The following STAU2 variants were observed in gnomAD, a reference collection of about 807,000 sequenced individuals.
STAU2 encodes the protein staufen double-stranded RNA binding protein 2.
STAU2 carries 20 observed loss-of-function variants against 65.9 expected under a neutral mutation model. That is an observed-to-expected ratio of 0.30 (90% CI 0.21 to 0.44). The LOEUF is 0.44. STAU2 is among the 20% of genes least tolerant of loss of function. The probability of loss-of-function intolerance (pLI) is 1.00; values close to 1 mark genes in which losing one functional copy is unlikely to be tolerated. For missense variants in STAU2, 558 were observed against 683.9 expected, an observed-to-expected ratio of 0.82 and a Z score of 2.05; for synonymous variants, 232 against 233.9, an observed-to-expected ratio of 0.99 and a Z score of 0.07.
At chr8:73,734,183 T>C (rs556896036) in intron 3 of STAU2, among the ~76,000 whole-genome samples, 1 of 151,056 alleles carries the variant, frequency 6.6e-6, no homozygotes, top group African/African-American at 2.4e-5. Flanking sequence ...ATTATCTCTG[T>C]AATAGAAGTG....
intron 13 of STAU2, among the ~76,000 whole-genome samples, chr8:73,514,755 C>G (rs1822612764): frequency 6.6e-6 from 1 of 152,124 alleles, no homozygotes; most frequent in Non-Finnish European, 1.5e-5. Flanking sequence ...TCAATTGTTT[C>G]TGTATATGTT....
intron 13 of STAU2, among the ~76,000 whole-genome samples, chr8:73,531,459 A>G (rs1335105302): frequency 6.6e-6 from 1 of 151,996 alleles, no homozygotes; most frequent in African/African-American, 2.4e-5. Context: ...AAAACATGAA[A>G]CTCTTGCTTG....
chr8:73,486,659 T>TATA (rs1563620902), intron 13 of STAU2, among the ~76,000 whole-genome samples: 4 of 52,384 alleles, frequency 7.6e-5, no homozygotes, highest in East Asian at 2.7e-4. Context: ...ATATATATAT[T>TATA]TTTTTTTTTT....
At chr8:73,527,519 G>A in intron 13 of STAU2, 1 of 448,614 alleles carries the variant, frequency 2.2e-6, no homozygotes, top group South Asian at 5.9e-5. Flanking sequence ...AATCTACTAT[G>A]ATATCAATTT....
intron 6 of STAU2, among the ~76,000 whole-genome samples, chr8:73,654,683 CTTTTTTTTTTTT>C (rs764223379): frequency 4.8e-5 from 3 of 62,956 alleles, no homozygotes; most frequent in African/African-American, 1.2e-4. Context: ...ATTATCAAAC[CTTTTTTTTTTTT>C]TTTTTTTTTG....
At chr8:73,465,960 C>T (rs180870889) in intron 13 of STAU2, among the ~76,000 whole-genome samples, 9 of 152,298 alleles carry the variant, frequency 5.9e-5, no homozygotes, top group Admixed American at 2.6e-4. Flanking sequence ...GGATTACAGG[C>T]GCACGCCACC....
At chr8:73,547,222 T>C (rs567252868) in intron 13 of STAU2, among the ~76,000 whole-genome samples, 14 of 152,326 alleles carry the variant, frequency 9.2e-5, no homozygotes, top group Admixed American at 7.2e-4. Context: ...AAAATAAGTA[T>C]CATAGCAACA....
chr8:73,747,208 A>T (rs950727666), upstream of STAU2: 5 of 668,950 alleles, frequency 7.5e-6, no homozygotes, highest in Non-Finnish European at 9.3e-6. Flanking sequence ...GCGACTGCGC[A>T]AGGAGCGCGC....
At chr8:73,594,845 T>G (rs138305094) in intron 11 of STAU2, among the ~76,000 whole-genome samples, 5 of 152,336 alleles carry the variant, frequency 3.3e-5, no homozygotes, top group Admixed American at 6.5e-5. Flanking sequence ...GCTAACAACC[T>G]GTGTTCTTAA....
At chr8:73,463,474 T>C (rs1365134031) in intron 13 of STAU2, among the ~76,000 whole-genome samples, 13 of 152,224 alleles carry the variant, frequency 8.5e-5, no homozygotes, top group South Asian at 2.1e-4. Flanking sequence ...TAAGAAAGAC[T>C]ACAGAAAAAT....
chr8:73,574,900 G>C (rs767906164), intron 12 of STAU2, among the ~76,000 whole-genome samples: 75 of 151,072 alleles, frequency 5.0e-4, no homozygotes, highest in Non-Finnish European at 1.1e-3. Context: ...AGAACTTAAA[G>C]TATAATAAAA....
chr8:73,706,125 T>A (rs536268147), intron 4 of STAU2, among the ~76,000 whole-genome samples: 268 of 130,102 alleles, frequency 2.1e-3, no homozygotes, highest in African/African-American at 4.7e-3. Flanking sequence ...AGAAAAAAAA[T>A]TTTTTTTTTG....
At chr8:73,437,829 G>C (rs1563591168) in intron 13 of STAU2, among the ~76,000 whole-genome samples, 1 of 152,068 alleles carries the variant, frequency 6.6e-6, no homozygotes, top group Non-Finnish European at 1.5e-5. Flanking sequence ...GAAGAGAAGA[G>C]CTCGCCCTCC....
At chr8:73,688,584 C>T in intron 5 of STAU2, 70 bp downstream of exon 5, 1 of 1,552,102 alleles carries the variant, frequency 6.4e-7, no homozygotes, top group Non-Finnish European at 8.8e-7. Flanking sequence ...TACTAGCCTA[C>T]TATAAATGAA....
intron 3 of STAU2, among the ~76,000 whole-genome samples, chr8:73,710,448 G>A (rs777556672): frequency 6.7e-6 from 1 of 149,260 alleles, no homozygotes; most frequent in Admixed American, 6.7e-5. Context: ...GTCTTGTTTA[G>A]GAAGTCCTCT....
intron 13 of STAU2, among the ~76,000 whole-genome samples, chr8:73,435,880 G>A (rs1314138983): frequency 6.6e-6 from 1 of 151,836 alleles, no homozygotes; most frequent in Non-Finnish European, 1.5e-5. Flanking sequence ...AGAGGGACCT[G>A]AGGGAAGCAC....
At chr8:73,626,348 C>A (rs532119458) in intron 6 of STAU2, among the ~76,000 whole-genome samples, 97 of 152,290 alleles carry the variant, frequency 6.4e-4, no homozygotes, top group Admixed American at 2.9e-3. Flanking sequence ...GTTCCTTGTA[C>A]CTGACAAGCC....
chr8:73,597,746 A>C (rs1320710472), intron 10 of STAU2, among the ~76,000 whole-genome samples: 1 of 151,732 alleles, frequency 6.6e-6, no homozygotes, highest in East Asian at 1.9e-4. Context: ...TTTAGATACA[A>C]TGGAAAAATT....
intron 13 of STAU2, among the ~76,000 whole-genome samples, chr8:73,462,820 T>A (rs1819441157): frequency 6.6e-6 from 1 of 152,188 alleles, no homozygotes; most frequent in South Asian, 2.1e-4. Context: ...TTTAATGTCT[T>A]TATGATATCT....
Sources: allele counts gnomAD v4.1 joint callset (sites outside exome capture counted in the v4.1 genomes callset), GRCh38; gene constraint gnomAD v4.1.1; transcripts MANE v1.5; gene names NCBI Gene and HGNC (gene_info 2026-07-23, HGNC 2026-07-21).